Variants in EXOC5 observed in about 807,000 individuals in gnomAD.
EXOC5 encodes exocyst complex component 5.
EXOC5 carries 17 observed loss-of-function variants against 90.8 expected under a neutral mutation model. The observed-to-expected ratio is 0.19, with a 90% CI of 0.13 to 0.28. The LOEUF (loss-of-function observed/expected upper bound fraction) is 0.28, where lower values mean the gene tolerates loss of function less well. Among genes scored for constraint, EXOC5 ranks in the 10% least tolerant of loss-of-function variants. The probability of loss-of-function intolerance (pLI) is 1.00; values close to 1 mark genes in which losing one functional copy is unlikely to be tolerated. For missense variants in EXOC5, 569 were observed against 830.6 expected (o/e 0.69, Z 3.87); for synonymous variants, 260 against 270.0 (o/e 0.96, Z 0.36).
intron 17 of EXOC5, 103 bp downstream of exon 17, chr14:57,209,464 A>G: frequency 1.6e-6 from 1 of 623,876 alleles, no homozygotes; most frequent in Non-Finnish European, 2.8e-6. Context: ...ATATCAACAA[A>G]AGTTATAAAC....
chr14:57,227,923 TAA>T (rs760418177), intron 12 of EXOC5, among the ~76,000 whole-genome samples: 6 of 145,360 alleles, frequency 4.1e-5, no homozygotes, highest in Admixed American at 1.3e-4. Flanking sequence ...TATGATGAAA[TAA>T]GTTTACATAC....
At chr14:57,224,721 C>T (rs1286365966) in intron 12 of EXOC5, among the ~76,000 whole-genome samples, 2 of 152,080 alleles carry the variant, frequency 1.3e-5, no homozygotes, top group African/African-American at 4.8e-5. Flanking sequence ...CCCAACACAT[C>T]CTATGAGGCC....
At position 57,236,405 on chromosome 14, in the gene EXOC5, C is replaced by T. The variant is rs1426982163; in HGVS notation, c.560-585G>A. Among the ~76,000 whole-genome samples, 6 of 151,460 alleles carry T rather than the reference C, an allele frequency of 4.0e-5. No homozygotes were observed. The East Asian group carries it at 1.2e-3, about 29-fold the overall frequency. On this transcript the variant is annotated intron_variant, in intron 6 of 17. Coordinates refer to ENST00000621441, the MANE Select transcript of EXOC5 (RefSeq NM_006544.4). ...GGTTCAAGCGATTCTCCTGCCTCAG[C>T]CTCCTGAGTAGCTAGGATTATAGAC...
chr14:57,232,499 T>G (rs982197624), intron 10 of EXOC5, 168 bp downstream of exon 10: 9 of 384,480 alleles, frequency 2.3e-5, no homozygotes, highest in African/African-American at 1.9e-4. Flanking sequence ...TTAAGAATGT[T>G]GTACAATACA....
At chr14:57,253,297 AG>A (rs1818417373) in intron 1 of EXOC5, among the ~76,000 whole-genome samples, 1 of 152,212 alleles carries the variant, frequency 6.6e-6, no homozygotes, top group African/African-American at 2.4e-5. Context: ...AGCACCAAAA[AG>A]AACAAAGTAT....
At chr14:57,238,160 C>A (rs1883722235) in intron 5 of EXOC5, among the ~76,000 whole-genome samples, 1 of 150,282 alleles carries the variant, frequency 6.7e-6, no homozygotes, top group African/African-American at 2.4e-5. Flanking sequence ...ACATATAAGG[C>A]CATATTAATC....
chr14:57,240,101 T>C (rs1883812272), intron 4 of EXOC5, among the ~76,000 whole-genome samples: 1 of 152,204 alleles, frequency 6.6e-6, no homozygotes, highest in Admixed American at 6.5e-5. Context: ...ATGCCTGTCA[T>C]TACTGATCAT....
At chr14:57,239,971 T>C (rs557067425) in intron 4 of EXOC5, among the ~76,000 whole-genome samples, 1 of 152,284 alleles carries the variant, frequency 6.6e-6, no homozygotes, top group East Asian at 1.9e-4. Context: ...ATTTAAATCA[T>C]TGCTTGCTGA....
At chr14:57,211,365 A>AT in intron 15 of EXOC5, among the ~76,000 whole-genome samples, 1 of 152,258 alleles carries the variant, frequency 6.6e-6, no homozygotes, top group East Asian at 1.9e-4. Flanking sequence ...TAAATGTATT[A>AT]TTTTTTGTAT....
rs182331732 is a variant in EXOC5 at position 57,225,602 on chromosome 14, A to G, written c.1297-3186T>C. On this transcript the variant is annotated intron_variant, in intron 12 of 17. Transcript: ENST00000621441. ...CAGTGGAATCTACAAAAAAAAAAAA[A>G]AGGCAAATAGAACTAATAAGTGAGT... 3.9e-3 allele frequency among the ~76,000 whole-genome samples: 572 copies of G among 148,568 alleles called. 1 individual carries two copies. The highest frequency in any genetic ancestry group is 6.7e-3 in the Non-Finnish European group (452 of 67,810).
intron 17 of EXOC5, among the ~76,000 whole-genome samples, 200 bp downstream of exon 17, chr14:57,209,366 AT>A (rs1431972025): frequency 6.6e-6 from 1 of 152,036 alleles, no homozygotes; most frequent in Non-Finnish European, 1.5e-5. Flanking sequence ...TGGAAAAAAA[AT>A]AAATAAAAAT....
chr14:57,244,447 T>C, intron 3 of EXOC5, 88 bp from the exon 4 acceptor site: 1 of 911,880 alleles, frequency 1.1e-6, no homozygotes. Flanking sequence ...TAACTAAAGA[T>C]AACAGAAGTT....
intron 15 of EXOC5, 102 bp downstream of exon 15, chr14:57,217,880 A>AT (rs1883019328): frequency 1.5e-6 from 1 of 681,724 alleles, no homozygotes; most frequent in Middle Eastern, 2.6e-4. Context: ...ATATGGTGGA[A>AT]TTAAGATAAA....
intron 11 of EXOC5, among the ~76,000 whole-genome samples, chr14:57,230,916 A>C (rs140802928): frequency 6.0e-4 from 92 of 152,126 alleles, no homozygotes; most frequent in African/African-American, 2.0e-3. Flanking sequence ...TCGAGAAAAA[A>C]AAAAATGAAA....
chr14:57,244,759 G>T (rs1883984059), intron 3 of EXOC5, among the ~76,000 whole-genome samples: 1 of 152,134 alleles, frequency 6.6e-6, no homozygotes, highest in Non-Finnish European at 1.5e-5. Flanking sequence ...GTCAGTAGGA[G>T]GCCGAGGGAG....
At chr14:57,224,402 G>A (rs1000601105) in intron 12 of EXOC5, among the ~76,000 whole-genome samples, 2 of 152,068 alleles carry the variant, frequency 1.3e-5, no homozygotes, top group Non-Finnish European at 2.9e-5. Flanking sequence ...ATCACTGTAC[G>A]CATTCTACAG....
chr14:57,244,109 A>G, intron 4 of EXOC5, 56 bp downstream of exon 4: 1 of 1,186,018 alleles, frequency 8.4e-7, no homozygotes, highest in Non-Finnish European at 1.2e-6. Context: ...TGCAGCTCAT[A>G]ATTAGGGCAC....
At chr14:57,254,558 T>C (rs903945854) in intron 1 of EXOC5, among the ~76,000 whole-genome samples, 1 of 152,082 alleles carries the variant, frequency 6.6e-6, no homozygotes, top group African/African-American at 2.4e-5. Context: ...TAAGTTAAGA[T>C]TGGAAGACCA....
intron 1 of EXOC5, among the ~76,000 whole-genome samples, chr14:57,255,218 T>G (rs552463235): frequency 6.6e-6 from 1 of 152,214 alleles, no homozygotes; most frequent in East Asian, 1.9e-4. Flanking sequence ...AGCCTAACAG[T>G]GACAGAGACC....
Sources: allele counts gnomAD v4.1 joint callset (sites outside exome capture counted in the v4.1 genomes callset), GRCh38; gene constraint gnomAD v4.1.1; transcripts MANE v1.5; gene names NCBI Gene and HGNC (gene_info 2026-07-23, HGNC 2026-07-21).